Variants in MANEAL observed in about 807,000 individuals in gnomAD.
The protein encoded by MANEAL is mannosidase endo-alpha like.
In MANEAL, 28 loss-of-function variants were observed where a neutral mutation model predicts 35.9. The ratio of observed to expected loss-of-function variants is 0.78; its 90% CI spans 0.58 to 1.07. MANEAL has a LOEUF of 1.07. Ranked by LOEUF, MANEAL falls within the 50% of genes least tolerant of loss-of-function variation. The pLI is 0.00. For synonymous variants in MANEAL, 286 were observed against 272.2 expected (o/e 1.05, Z -0.50); for missense variants, 576 against 629.6 (o/e 0.91, Z 0.91).
chr1:37,794,797 A>G lies in MANEAL; in HGVS notation c.550+65A>G. On this transcript the variant is annotated intron_variant, in intron 1 of 3. Coordinates refer to ENST00000373045, the MANE Select transcript of MANEAL (RefSeq NM_001113482.2). This position sits in a 1 kb window ranked among gnomAD's most constrained non-coding sequence, Gnocchi z 5.7. ...TCACCCTTCCTCCTTCCCACACCCCAGCTCCCTCTGGTCCTGTCACCGGCC... is the reference window on the plus strand; with the variant it reads ...TCACCCTTCCTCCTTCCCACACCCCGGCTCCCTCTGGTCCTGTCACCGGCC... The G allele has an allele frequency of 9.3e-7, 1 of 1,073,740 alleles. No individual in the cohort carries two copies. Among genetic ancestry groups the G allele is most frequent in the African/African-American group, 1.6e-5 (1 of 62,616 alleles). 66.5% of individuals were successfully genotyped at this position (1,073,740 alleles called of 1,614,324 possible). A position where few individuals can be genotyped will look rare whatever the true frequency, so the allele number is the denominator to read the frequency against.
chr1:37,795,809 C>G lies in MANEAL; in HGVS notation c.623C>G (p.Pro208Arg). ...DNGEPSDDLV[P>R]AILDTAHQYS... is the part of the protein sequence containing the mutation. ...GGGGAGCCCTCAGATGACCTGGTGC[C>G]CGCCATTCTGGACACCGCCCATCAG... The change falls in exon 2 of 4, where the codon CCC (proline) becomes CGC (arginine). Residue 208 changes from proline (P) to arginine (R), a missense_variant. This residue lies in a region of MANEAL where 449 missense variants were observed against 516.1 expected (regional missense o/e 0.87). Coordinates refer to ENST00000373045, the MANE Select transcript of MANEAL (RefSeq NM_001113482.2). 1 of 1,614,096 alleles carries G rather than the reference C, an allele frequency of 6.2e-7. No individual in the cohort carries two copies. Among genetic ancestry groups the G allele is most frequent in the African/African-American group, 1.3e-5 (1 of 75,038 alleles).
At chr1:37,795,471 C>A in intron 1 of MANEAL, 1 of 1,294,492 alleles carries the variant, frequency 7.7e-7, no homozygotes, top group Non-Finnish European at 9.9e-7. Context: ...TCCCTTTGTT[C>A]TACTACTTGC....
At position 37,799,434 on chromosome 1, in the gene MANEAL, C is replaced by G; in HGVS notation, c.738-133C>G. On this transcript the variant is annotated intron_variant, in intron 3 of 3. Coordinates refer to ENST00000373045, the MANE Select transcript of MANEAL (RefSeq NM_001113482.2). This position sits in a 1 kb window ranked among gnomAD's most constrained non-coding sequence, Gnocchi z 4.1. The stretch of plus-strand genomic sequence containing the variant: ...AGGGAACCAGGTTCTTGCTTAGAGG[C>G]ATGATGACTCCAACTGTGGAGACTG... 3.0e-6 allele frequency: 3 copies of G among 995,442 alleles called. No individual in the cohort carries two copies. The highest frequency in any genetic ancestry group is 4.4e-6 in the Non-Finnish European group (3 of 677,546). 61.7% of individuals were successfully genotyped at this position (995,442 alleles called of 1,614,324 possible). A position where few individuals can be genotyped will look rare whatever the true frequency, so the allele number is the denominator to read the frequency against.
intron 1 of MANEAL, 85 bp from the exon 2 acceptor site, chr1:37,795,651 TG>T: frequency 6.3e-7 from 1 of 1,591,168 alleles, no homozygotes; most frequent in South Asian, 1.1e-5. Context: ...GAACCATTTT[TG>T]CAATTGGAGA....
Position 37,794,190 on chromosome 1 carries a change from G to C in MANEAL, c.8G>C (p.Arg3Pro), listed in dbSNP as rs1385732709. 2 of 1,277,552 alleles carry C rather than the reference G, an allele frequency of 1.6e-6. No individual in the cohort carries two copies. The highest frequency in any genetic ancestry group is 2.0e-6 in the Non-Finnish European group (2 of 995,052). 79.1% of individuals were successfully genotyped at this position (1,277,552 alleles called of 1,614,324 possible). The change falls in exon 1 of 4, where the codon CGG becomes CCG. Residue 3 changes from arginine (R) to proline (P), a missense_variant. Arg to Pro is a moderately radical substitution (Grantham distance 103, BLOSUM62 -2). Transcript: ENST00000373045. This position sits in a 1 kb window ranked among gnomAD's most constrained non-coding sequence, Gnocchi z 5.7. Reference protein sequence around the residue: MARRRRRACIALF... With the variant: MAPRRRRACIALF... ...AGGAGCGCACAGTCGGCCATGGCCC[G>C]GCGGCGGCGCCGCGCCTGCATCGCT...
chr1:37,800,194 GCTCAT>G lies in MANEAL; in HGVS notation c.1366_1370del (p.Leu456ValfsTer5), dbSNP rs778905940. ...ACTTCATCAAAGAGAAGGAGCAGTGGCTCATGTGAGGGGCCTGTAAATGGGCGTGA... is the reference window on the plus strand; with the variant it reads ...ACTTCATCAAAGAGAAGGAGCAGTGGGTGAGGGGCCTGTAAATGGGCGTGA... On this transcript the variant is annotated frameshift_variant, in exon 4 of 4. Transcript: ENST00000373045. LOFTEE classifies it high-confidence loss of function. The G allele has an allele frequency of 2.0e-5, 32 of 1,612,674 alleles. No individual in the cohort carries two copies. Among genetic ancestry groups the G allele is most frequent in the Non-Finnish European group, 2.6e-5 (31 of 1,179,858 alleles).
chr1:37,798,171 AG>A (rs1646661781), intron 3 of MANEAL, among the ~76,000 whole-genome samples: 1 of 152,078 alleles, frequency 6.6e-6, no homozygotes, highest in Non-Finnish European at 1.5e-5. Context: ...ACAAAAAAAA[AG>A]AGAGTATTGA....
chr1:37,797,003 T>A (rs1646650913), intron 3 of MANEAL, among the ~76,000 whole-genome samples, 183 bp downstream of exon 3: 2 of 152,230 alleles, frequency 1.3e-5, no homozygotes, highest in African/African-American at 4.8e-5. Context: ...GTCCTGTGGC[T>A]TCTAATCTGT....
At position 37,796,834 on chromosome 1, in the gene MANEAL, G is replaced by A; in HGVS notation, c.737+14G>A. 4.4e-6 allele frequency: 7 copies of A among 1,603,674 alleles called. No individual in the cohort carries two copies. The highest frequency in any genetic ancestry group is 6.0e-6 in the Non-Finnish European group (7 of 1,174,894). ...CATCATTGACACGTAAGGCTGCTCT[G>A]GGGGCCGGGATTTTGGTGGGGATCA... On this transcript the variant is annotated intron_variant, in intron 3 of 3. Coordinates refer to ENST00000373045, the MANE Select transcript of MANEAL (RefSeq NM_001113482.2).
chr1:37,801,107 T>G lies in MANEAL; in HGVS notation c.*904T>G, dbSNP rs1191610382. On this transcript the variant is annotated 3_prime_UTR_variant, in exon 4 of 4. Coordinates refer to ENST00000373045, the MANE Select transcript of MANEAL (RefSeq NM_001113482.2). ...TGTTCAGTGCTACTGTGATTAGTAG[T>G]AATTAAATATGAACTGGTATTCTCA... 6.5e-6 allele frequency: 1 copy of G among 152,734 alleles called. No homozygotes were observed. Among genetic ancestry groups the G allele is most frequent in the East Asian group, 1.9e-4 (1 of 5,184 alleles). 9.5% of individuals were successfully genotyped at this position (152,734 alleles called of 1,614,324 possible).
intron 1 of MANEAL, among the ~76,000 whole-genome samples, chr1:37,795,157 T>C (rs1237822822): frequency 1.3e-5 from 2 of 152,174 alleles, no homozygotes; most frequent in Admixed American, 6.5e-5. Context: ...TTTTGCTGGC[T>C]GCAGAGAGGA....
intron 2 of MANEAL, 146 bp downstream of exon 2, chr1:37,795,992 G>A: frequency 3.0e-6 from 2 of 656,410 alleles, no homozygotes; most frequent in Non-Finnish European, 5.2e-6. Flanking sequence ...TTTGGGGGAG[G>A]GTTCAGATAA....
rs774929447 is a variant in MANEAL at position 37,794,630 on chromosome 1, G to A, written c.448G>A (p.Asp150Asn). The change falls in exon 1 of 4, where the codon GAC becomes AAC. Residue 150 changes from aspartate (D) to asparagine (N), a missense_variant. Around this residue, in one of 3 missense-constraint regions of MANEAL, gnomAD observed 449 missense variants for 516.1 expected, o/e 0.87. Transcript: ENST00000373045. The surrounding 1 kb of genome is among the most constrained non-coding windows in gnomAD (Gnocchi z 5.7). ...SYPRGRHSPP[D>N]DLGSSFYPEL... Reference sequence around the variant, plus strand: ...CCCCCGCGGCCGCCACAGCCCCCCAGACGACTTGGGCTCCAGCTTCTACCC... The same window carrying A: ...CCCCCGCGGCCGCCACAGCCCCCCAAACGACTTGGGCTCCAGCTTCTACCC... 17 of 1,610,996 alleles carry A rather than the reference G, an allele frequency of 1.1e-5. No individual in the cohort carries two copies. The highest frequency in any genetic ancestry group is 3.3e-5 in the South Asian group (3 of 90,934).
chr1:37,799,897 C>T lies in MANEAL; in HGVS notation c.1068C>T (p.Pro356=). The T allele has an allele frequency of 6.2e-7, 1 of 1,614,246 alleles. No homozygotes were observed. The highest frequency in any genetic ancestry group is 1.7e-5 in the Admixed American group (1 of 60,032). Residue 356 remains proline, a synonymous_variant, in exon 4 of 4, where the codon CCC becomes CCT. Coordinates refer to ENST00000373045, the MANE Select transcript of MANEAL (RefSeq NM_001113482.2). This position sits in a 1 kb window ranked among gnomAD's most constrained non-coding sequence, Gnocchi z 4.1. ...FCDANNLMFI[P]SVGPGYIDTS... is the part of the protein sequence containing the mutation. Reference sequence around the variant, plus strand: ...ATGCCAACAACCTCATGTTCATCCCCAGTGTGGGGCCTGGCTACATAGACA... The same window carrying T: ...ATGCCAACAACCTCATGTTCATCCCTAGTGTGGGGCCTGGCTACATAGACA...
Position 37,800,477 on chromosome 1 carries a change from C to G in MANEAL, c.*274C>G, listed in dbSNP as rs1322971805. ...CAGCTCCACATCCTGGGAACACTTT[C>G]ATGTAACCCCTTCTAGTTTTGAACT... On this transcript the variant is annotated 3_prime_UTR_variant, in exon 4 of 4. Coordinates refer to ENST00000373045, the MANE Select transcript of MANEAL (RefSeq NM_001113482.2). The G allele has an allele frequency of 7.8e-6, 4 of 514,682 alleles. No homozygotes were observed. In the East Asian group the frequency reaches 1.4e-4, roughly 17 times the overall value. 31.9% of individuals were successfully genotyped at this position (514,682 alleles called of 1,614,324 possible).
rs755090513 is a variant in MANEAL at position 37,794,579 on chromosome 1, T to C, written c.397T>C (p.Trp133Arg). The C allele has an allele frequency of 6.2e-7, 1 of 1,611,886 alleles. No individual in the cohort carries two copies. The highest frequency in any genetic ancestry group is 8.5e-7 in the Non-Finnish European group (1 of 1,179,646). The change falls in exon 1 of 4, where the codon TGG (tryptophan) becomes CGG (arginine). Residue 133 changes from tryptophan to arginine, a missense_variant. Transcript: ENST00000373045. The surrounding 1 kb of genome is among the most constrained non-coding windows in gnomAD (Gnocchi z 5.7). The stretch of plus-strand genomic sequence containing the variant: ...CTGGGACCACGTCATGGTGCCGCAC[T>C]GGGACCCCAAGATCTCGGCCAGCTA... ...IHWDHVMVPHWDPKISASYPR... is the reference protein window; with the variant it reads ...IHWDHVMVPHRDPKISASYPR...
At chr1:37,796,275 C>T (rs1646644363) in intron 2 of MANEAL, among the ~76,000 whole-genome samples, 1 of 152,056 alleles carries the variant, frequency 6.6e-6, no homozygotes, top group Non-Finnish European at 1.5e-5. Flanking sequence ...GAAGCATTTC[C>T]CCACATGTGC....
At position 37,799,768 on chromosome 1, in the gene MANEAL, T is replaced by C. The variant is rs1393084397; in HGVS notation, c.939T>C (p.Asp313=). ...ALLVEEGHTH[D]ILAAGFDGMY... is the part of the protein sequence containing the mutation. The stretch of plus-strand genomic sequence containing the variant: ...TGGTGGAGGAGGGCCACACCCACGA[T>C]ATCCTGGCCGCCGGATTTGACGGCA... The change falls in exon 4 of 4, where the codon GAT becomes GAC. Residue 313 remains aspartate (D), a synonymous_variant. Transcript: ENST00000373045. The surrounding 1 kb of genome is among the most constrained non-coding windows in gnomAD (Gnocchi z 4.1). 3.7e-6 allele frequency: 6 copies of C among 1,614,226 alleles called. No homozygotes were observed. The highest frequency in any genetic ancestry group is 5.1e-6 in the Non-Finnish European group (6 of 1,180,044).
rs1192792569 is a variant in MANEAL, at chr1:37,800,422, G to A, written c.*219G>A. The A allele has an allele frequency of 3.3e-6, 2 of 603,112 alleles. No homozygotes were observed. Among genetic ancestry groups the A allele is most frequent in the African/African-American group, 3.7e-5 (2 of 53,962 alleles). The allele number at this position is 603,112 out of a possible 1,614,324, so 37.4% of individuals were successfully genotyped here. A position where few individuals can be genotyped will look rare whatever the true frequency, so the allele number is the denominator to read the frequency against. ...GCTCTGTGGTGATGGGAACGGCAGAGGCTGGCAGGTGACTGAACTTAGCCC... is the reference window on the plus strand; with the variant it reads ...GCTCTGTGGTGATGGGAACGGCAGAAGCTGGCAGGTGACTGAACTTAGCCC... On this transcript the variant is annotated 3_prime_UTR_variant, in exon 4 of 4. Transcript: ENST00000373045.
Sources: gnomAD v4.1 joint callset for allele counts (sites outside exome capture counted in the v4.1 genomes callset) on GRCh38, gnomAD v4.1.1 for gene constraint, gnomAD v4.1.1 regional missense constraint, Gnocchi (gnomAD v3.1) non-coding constraint, MANE v1.5 for transcripts, NCBI Gene and HGNC (gene_info 2026-07-23, HGNC 2026-07-21) for gene names.